The following DPP6 variants were observed in gnomAD, a reference collection of about 807,000 sequenced individuals.
The protein encoded by DPP6 is dipeptidyl peptidase like 6, also known as A-type potassium channel modulatory protein DPP6.
DPP6 carries 69 observed loss-of-function variants against 122.6 expected under a neutral mutation model. The observed-to-expected ratio is 0.56, with a 90% CI of 0.46 to 0.69. The LOEUF is 0.69. Ranked by LOEUF, DPP6 falls within the 30% of genes least tolerant of loss-of-function variation. DPP6 has a pLI of 0.00. For missense variants in DPP6, 928 were observed against 1,116.9 expected, an observed-to-expected ratio of 0.83 and a Z score of 2.41; for synonymous variants, 418 against 433.1, an observed-to-expected ratio of 0.97 and a Z score of 0.43.
chr7:154,401,136 G>T (rs929630370), intron 1 of DPP6, among the ~76,000 whole-genome samples: 4 of 151,772 alleles, frequency 2.6e-5, no homozygotes, highest in Non-Finnish European at 5.9e-5. Flanking sequence ...GGTGTAGGGT[G>T]CAGTGAGCCA....
intron 6 of DPP6, among the ~76,000 whole-genome samples, chr7:154,654,733 G>A (rs1285890948): frequency 6.6e-6 from 1 of 151,958 alleles, no homozygotes; most frequent in Non-Finnish European, 1.5e-5. Flanking sequence ...GTTTCATAAG[G>A]AAAGGAACTT....
intron 6 of DPP6, among the ~76,000 whole-genome samples, chr7:154,655,976 C>T (rs1232688342): frequency 1.3e-5 from 2 of 151,918 alleles, no homozygotes; most frequent in Non-Finnish European, 2.9e-5. Context: ...GGTGAGAAAT[C>T]GCCACAAACT....
At chr7:154,248,900 C>T (rs1379478544) in intron 1 of DPP6, among the ~76,000 whole-genome samples, 1 of 152,002 alleles carries the variant, frequency 6.6e-6, no homozygotes, top group African/African-American at 2.4e-5. Flanking sequence ...TTGAACTGTA[C>T]ATTTAAAATC....
the DPP6 span, among the ~76,000 whole-genome samples, chr7:153,871,772 T>A: frequency 6.6e-6 from 1 of 152,160 alleles, no homozygotes; most frequent in African/African-American, 2.4e-5. Flanking sequence ...CTGGAGCTCT[T>A]CCTATTCGGC....
chr7:154,764,335 T>C (rs1272154674), intron 8 of DPP6, among the ~76,000 whole-genome samples: 1 of 151,486 alleles, frequency 6.6e-6, no homozygotes, highest in Non-Finnish European at 1.5e-5. Context: ...AGTGTTACTG[T>C]AACCTGCGTG....
chr7:154,692,437 A>T (rs1839981814), intron 7 of DPP6, among the ~76,000 whole-genome samples: 1 of 152,220 alleles, frequency 6.6e-6, no homozygotes, highest in African/African-American at 2.4e-5. Context: ...GCTGTTTGTT[A>T]TGGTCCTCAC....
At chr7:154,013,296 C>T (rs1374240509) in intron 1 of DPP6, among the ~76,000 whole-genome samples, 4 of 152,106 alleles carry the variant, frequency 2.6e-5, no homozygotes, top group Non-Finnish European at 4.4e-5. Flanking sequence ...TGAGAAGAAC[C>T]ACAAATCTCT....
Position 154,406,250 on chromosome 7 carries a change from A to G in DPP6, c.244-39964A>G, listed in dbSNP as rs746199508. ...AAGGTAAGTCTACAGTGTGCTTTTC[A>G]TACGGTTTTCAAAAGCAGATAAACA... On this transcript the variant is annotated intron_variant, in intron 1 of 25. Coordinates refer to ENST00000377770, the MANE Select transcript of DPP6 (RefSeq NM_130797.4). Among the ~76,000 whole-genome samples, 166 of 152,340 alleles carry G rather than the reference A, an allele frequency of 1.1e-3. 1 individual carries two copies. The highest frequency in any genetic ancestry group is 2.5e-3 in the Admixed American group (39 of 15,302).
At chr7:154,434,985 C>T (rs188589124) in intron 1 of DPP6, among the ~76,000 whole-genome samples, 6 of 152,130 alleles carry the variant, frequency 3.9e-5, no homozygotes, top group African/African-American at 1.4e-4. Flanking sequence ...TACAGGCACA[C>T]GCCCTTATGC....
chr7:153,823,627 G>A, the DPP6 span, among the ~76,000 whole-genome samples: 1 of 147,292 alleles, frequency 6.8e-6, no homozygotes, highest in Non-Finnish European at 1.5e-5. Context: ...GAATCATGAC[G>A]GATATACTCC....
At chr7:154,490,872 A>G (rs1824219895) in intron 3 of DPP6, among the ~76,000 whole-genome samples, 1 of 152,240 alleles carries the variant, frequency 6.6e-6, no homozygotes, top group South Asian at 2.1e-4. Context: ...GCCGGAGACC[A>G]GGAATGAAGC....
At chr7:154,702,077 T>C (rs1840562112) in intron 7 of DPP6, among the ~76,000 whole-genome samples, 2 of 152,234 alleles carry the variant, frequency 1.3e-5, no homozygotes, top group South Asian at 2.1e-4. Flanking sequence ...CCATTATATC[T>C]GTTATGGTTA....
At chr7:154,669,669 G>A (rs190997653) in intron 7 of DPP6, among the ~76,000 whole-genome samples, 4 of 152,154 alleles carry the variant, frequency 2.6e-5, no homozygotes, top group Admixed American at 6.5e-5. Context: ...CATGTGCTTG[G>A]TTCCTACATC....
chr7:154,752,703 T>C lies in DPP6; in HGVS notation c.884-16714T>C, dbSNP rs1843454336. On this transcript the variant is annotated intron_variant, in intron 8 of 25. Coordinates refer to ENST00000377770, the MANE Select transcript of DPP6 (RefSeq NM_130797.4). ...ACCGCAGGAGGCTGTAGCTCTGACG[T>C]GCCCAAGAGGAAAGCCCTGACCTAC... 2.0e-5 allele frequency among the ~76,000 whole-genome samples: 3 copies of C among 152,258 alleles called. No homozygotes were observed. In the South Asian group the frequency reaches 6.2e-4, roughly 32 times the overall value.
intron 1 of DPP6, among the ~76,000 whole-genome samples, chr7:153,918,046 A>T (rs1283522046): frequency 1.3e-5 from 2 of 152,224 alleles, no homozygotes; most frequent in Non-Finnish European, 2.9e-5. Flanking sequence ...GTTTTAAACA[A>T]ATAAGAACAT....
intron 3 of DPP6, among the ~76,000 whole-genome samples, chr7:154,478,137 A>G (rs1458135602): frequency 6.6e-6 from 1 of 152,290 alleles, no homozygotes. Context: ...GACAAATACT[A>G]TAGAGTTCAC....
chr7:154,181,818 T>C (rs1299781676), intron 1 of DPP6, among the ~76,000 whole-genome samples: 1 of 151,500 alleles, frequency 6.6e-6, no homozygotes, highest in Non-Finnish European at 1.5e-5. Flanking sequence ...GGTGCAATCT[T>C]GGCTCACTGA....
intron 4 of DPP6, among the ~76,000 whole-genome samples, chr7:154,565,620 G>A (rs1830696845): frequency 6.6e-6 from 1 of 152,116 alleles, no homozygotes; most frequent in Admixed American, 6.6e-5. Context: ...CTGCCGTCCA[G>A]GTTCAAGTGA....
intron 1 of DPP6, among the ~76,000 whole-genome samples, chr7:154,340,672 T>C (rs1251014985): frequency 6.6e-6 from 1 of 152,274 alleles, no homozygotes; most frequent in African/African-American, 2.4e-5. Flanking sequence ...GCACTGGTGA[T>C]AGCAGCAATA....
Sources: allele counts gnomAD v4.1 joint callset (sites outside exome capture counted in the v4.1 genomes callset), GRCh38; gene constraint gnomAD v4.1.1; transcripts MANE v1.5; gene names NCBI Gene and HGNC (gene_info 2026-07-23, HGNC 2026-07-21).